OPCML: variants seen among roughly 807,000 people sequenced by gnomAD.
OPCML encodes the protein opioid-binding protein/cell adhesion molecule.
In OPCML, 13 loss-of-function variants were observed where a neutral mutation model predicts 37.8. The observed-to-expected ratio is 0.34, with a 90% CI of 0.22 to 0.55. The LOEUF is 0.55. Ranked by LOEUF, OPCML falls within the 20% of genes least tolerant of loss-of-function variation. The probability of loss-of-function intolerance (pLI) is 0.91; values close to 1 mark genes in which losing one functional copy is unlikely to be tolerated. For synonymous variants in OPCML, 176 were observed against 168.8 expected, an observed-to-expected ratio of 1.04 and a Z score of -0.33; for missense variants, 341 against 435.6, an observed-to-expected ratio of 0.78 and a Z score of 1.93.
At chr11:133,104,150 A>C (rs1949124196) in intron 1 of OPCML, among the ~76,000 whole-genome samples, 1 of 152,246 alleles carries the variant, frequency 6.6e-6, no homozygotes, top group South Asian at 2.1e-4. Flanking sequence ...GTGAGAGCGC[A>C]TGGATGGATG....
At chr11:132,553,761 T>C (rs1405981760) in intron 3 of OPCML, among the ~76,000 whole-genome samples, 1 of 152,222 alleles carries the variant, frequency 6.6e-6, no homozygotes, top group African/African-American at 2.4e-5. Flanking sequence ...TAATGCGGAA[T>C]GAATAATGCA....
chr11:133,463,716 C>T (rs551047440), intron 1 of OPCML, among the ~76,000 whole-genome samples: 1 of 152,178 alleles, frequency 6.6e-6, no homozygotes, highest in Admixed American at 6.5e-5. Flanking sequence ...CAACTGGGTA[C>T]TTCGAATTTA....
chr11:133,017,645 TC>T (rs1414552569), intron 1 of OPCML, among the ~76,000 whole-genome samples: 1 of 152,186 alleles, frequency 6.6e-6, no homozygotes, highest in East Asian at 1.9e-4. Flanking sequence ...CTCCTCGGCC[TC>T]CCAAACTGCT....
chr11:132,848,246 G>T (rs1253716236), intron 2 of OPCML, among the ~76,000 whole-genome samples: 4 of 152,142 alleles, frequency 2.6e-5, no homozygotes, highest in African/African-American at 9.7e-5. Flanking sequence ...AAATTATACT[G>T]CTATTCTACA....
intron 1 of OPCML, among the ~76,000 whole-genome samples, chr11:133,153,793 G>A (rs1950020130): frequency 6.6e-6 from 1 of 151,866 alleles, no homozygotes; most frequent in Non-Finnish European, 1.5e-5. Flanking sequence ...AGAATAGACT[G>A]CCCCCTGGGA....
chr11:132,469,765 TGTGTATGTGTGGAGGG>T (rs143620314), intron 4 of OPCML, among the ~76,000 whole-genome samples: 41,213 of 111,382 alleles, frequency 0.37, 9,041 homozygotes, highest in East Asian at 0.81. Context: ...TGTGAGTGTG[TGTGTATGTGTGGAGGG>T]GTGTGTGTGT....
In OPCML at chr11:132,552,763, C is replaced by CTTTTTTTT. The variant is rs562056846; in HGVS notation, c.380-23585_380-23578dup. On this transcript the variant is annotated intron_variant, in intron 3 of 7. Transcript: ENST00000524381. Reference sequence around the variant, plus strand: ...TAGTCAAACTAAATTAAACACTACTCTTTTTTTTTTTTTTTTGAGACCGAG... The same window carrying CTTTTTTTT: ...TAGTCAAACTAAATTAAACACTACTCTTTTTTTTTTTTTTTTTTTTTTTTGAGACCGAG... Among the ~76,000 whole-genome samples, 36 of 92,788 alleles carry CTTTTTTTT rather than the reference C, an allele frequency of 3.9e-4. 3 individuals carry two copies. Among genetic ancestry groups the CTTTTTTTT allele is most frequent in the Non-Finnish European group, 5.0e-4 (25 of 50,388 alleles). 60.9% of individuals were successfully genotyped at this position (92,788 alleles called of 152,430 possible). A position where few individuals can be genotyped will look rare whatever the true frequency, so the allele number is the denominator to read the frequency against.
At chr11:133,028,732 G>T (rs1947611332) in intron 1 of OPCML, among the ~76,000 whole-genome samples, 1 of 151,910 alleles carries the variant, frequency 6.6e-6, no homozygotes, top group South Asian at 2.1e-4. Flanking sequence ...AAGACTTAAA[G>T]GTAAGACTTC....
intron 1 of OPCML, among the ~76,000 whole-genome samples, chr11:133,020,863 G>GT (rs1296062199): frequency 6.6e-6 from 1 of 151,782 alleles, no homozygotes; most frequent in African/African-American, 2.4e-5. Context: ...TTTTTTCTAT[G>GT]TTTTTTGGAA....
chr11:133,054,721 T>G (rs575086309), intron 1 of OPCML, among the ~76,000 whole-genome samples: 1 of 152,326 alleles, frequency 6.6e-6, no homozygotes, highest in Admixed American at 6.5e-5. Context: ...CTGCCTCTTC[T>G]CAGCCTAGTG....
chr11:133,116,129 T>G (rs913112880), intron 1 of OPCML, among the ~76,000 whole-genome samples: 1 of 152,058 alleles, frequency 6.6e-6, no homozygotes, highest in Non-Finnish European at 1.5e-5. Flanking sequence ...CCACCACGCC[T>G]GGCTAATTTT....
At chr11:133,326,571 T>C (rs1251258840) in intron 1 of OPCML, among the ~76,000 whole-genome samples, 1 of 134,486 alleles carries the variant, frequency 7.4e-6, no homozygotes, top group Non-Finnish European at 1.6e-5. Context: ...GTGTGGGGTG[T>C]CGGTGTGTGT....
intron 1 of OPCML, among the ~76,000 whole-genome samples, chr11:133,377,587 GCTCT>G (rs1321425575): frequency 9.0e-6 from 1 of 110,990 alleles, no homozygotes; most frequent in African/African-American, 4.2e-5. Flanking sequence ...GTCTCGTTAT[GCTCT>G]CTCTGACGTG....
At position 133,211,654 on chromosome 11, in the gene OPCML, T is replaced by C. The variant is rs1303279597; in HGVS notation, c.62-268644A>G. The stretch of plus-strand genomic sequence containing the variant: ...TCCCTAATAGCTGGAATTGTATATC[T>C]TGTACCATGAGGCATCTGGGGCCAG... On this transcript the variant is annotated intron_variant, in intron 1 of 7. Coordinates refer to ENST00000524381, the MANE Select transcript of OPCML (RefSeq NM_001012393.5). This position sits in a 1 kb window ranked among gnomAD's most constrained non-coding sequence, Gnocchi z 4.1. Among the ~76,000 whole-genome samples the C allele has an allele frequency of 6.6e-6, 1 of 152,226 alleles. No individual in the cohort carries two copies. Among genetic ancestry groups the C allele is most frequent in the Non-Finnish European group, 1.5e-5 (1 of 68,050 alleles).
chr11:132,593,560 C>T (rs4576830), intron 3 of OPCML, among the ~76,000 whole-genome samples: 16,251 of 151,958 alleles, frequency 0.11, 1,219 homozygotes, highest in African/African-American at 0.21. Flanking sequence ...AGAAGCTGGG[C>T]AGAAAAAGTT....
rs144205070 is a variant in OPCML, at chr11:132,505,317, G to A, written c.505+23744C>T. The stretch of plus-strand genomic sequence containing the variant: ...CGTGCTTTAATAAATGACTTCTATT[G>A]TACAGCAGTGTGAATGTACTCAATT... On this transcript the variant is annotated intron_variant, in intron 4 of 7. Coordinates refer to ENST00000524381, the MANE Select transcript of OPCML (RefSeq NM_001012393.5). 1.7e-4 allele frequency among the ~76,000 whole-genome samples: 26 copies of A among 152,222 alleles called. No homozygotes were observed. In the East Asian group the frequency reaches 2.5e-3, roughly 15 times the overall value.
rs1363878008 is a variant in OPCML, at chr11:133,173,330, T to C, written c.62-230320A>G. Among the ~76,000 whole-genome samples, 4 of 152,236 alleles carry C rather than the reference T, an allele frequency of 2.6e-5. No individual in the cohort carries two copies. The highest frequency in any genetic ancestry group is 9.6e-5 in the African/African-American group (4 of 41,460). ...TATGTTTAATATCTGTCTCTACTTG[T>C]AGACCCCAACATTCTTGGAGTCTGA... On this transcript the variant is annotated intron_variant, in intron 1 of 7. Coordinates refer to ENST00000524381, the MANE Select transcript of OPCML (RefSeq NM_001012393.5). The surrounding 1 kb of genome is among the most constrained non-coding windows in gnomAD (Gnocchi z 7.8).
intron 1 of OPCML, among the ~76,000 whole-genome samples, chr11:133,015,064 C>A (rs878975886): frequency 1.3e-5 from 2 of 152,054 alleles, no homozygotes; most frequent in South Asian, 4.1e-4. Context: ...CAAAAGAGTA[C>A]AAACAGCATA....
chr11:132,981,637 G>C (rs762498209), intron 1 of OPCML, among the ~76,000 whole-genome samples: 1 of 152,206 alleles, frequency 6.6e-6, no homozygotes, highest in Non-Finnish European at 1.5e-5. Flanking sequence ...GACTAGAGGA[G>C]AGATATTACA....
Sources: allele counts gnomAD v4.1 joint callset (sites outside exome capture counted in the v4.1 genomes callset), GRCh38; gene constraint gnomAD v4.1.1; non-coding constraint Gnocchi (gnomAD v3.1); transcripts MANE v1.5; gene names NCBI Gene and HGNC (gene_info 2026-07-23, HGNC 2026-07-21).